The following SF3B4 variants were observed in gnomAD, a reference collection of about 807,000 sequenced individuals.
The protein encoded by SF3B4 is splicing factor 3b subunit 4.
A neutral mutation model predicts 34.3 loss-of-function variants in SF3B4; 3 were observed. The observed-to-expected ratio is 0.09, with a 90% confidence interval of 0.04 to 0.23. SF3B4 has a LOEUF of 0.23. SF3B4 is among the 10% of genes least tolerant of loss of function. The pLI, the probability that SF3B4 is intolerant of heterozygous loss-of-function variation, is 1.00. For synonymous variants in SF3B4, 216 were observed against 207.8 expected (o/e 1.04, Z -0.34); for missense variants, 283 against 567.2 (o/e 0.50, Z 5.09).
At position 149,926,074 on chromosome 1, in the gene SF3B4, T is replaced by C. The variant is rs72692812; in HGVS notation, c.707-32A>G. The C allele has an allele frequency of 3.6e-6, 4 of 1,114,936 alleles. No homozygotes were observed. The highest frequency in any genetic ancestry group is 1.6e-5 in the South Asian group (1 of 62,342). The allele number at this position is 1,114,936 out of a possible 1,614,324, so 69.1% of individuals were successfully genotyped here. A position where few individuals can be genotyped will look rare whatever the true frequency, so the allele number is the denominator to read the frequency against. On this transcript the variant is annotated intron_variant, in intron 3 of 5. Transcript: ENST00000271628. This position sits in a 1 kb window ranked among gnomAD's most constrained non-coding sequence, Gnocchi z 6.2. ...AGGAAATGGAAAAAGGAAGAGTTAA[T>C]GGTAGTGAGGAGAAAATGTCTTTAA...
Position 149,927,713 on chromosome 1 carries a change from C to T in SF3B4, c.34+13G>A, listed in dbSNP as rs1206537632. ...CACGCTGAGCCCATTCCAGACTTTC[C>T]CCCTCCAGTTACCCTGATTCCGCTC... On this transcript the variant is annotated intron_variant, in intron 1 of 5. Coordinates refer to ENST00000271628, the MANE Select transcript of SF3B4 (RefSeq NM_005850.5). The T allele has an allele frequency of 3.9e-6, 6 of 1,552,664 alleles. No homozygotes were observed. Among genetic ancestry groups the T allele is most frequent in the South Asian group, 1.2e-5 (1 of 84,156 alleles).
At position 149,923,576 on chromosome 1, in the gene SF3B4, G is replaced by T; in HGVS notation, c.1241C>A (p.Pro414His). 2 of 1,562,294 alleles carry T rather than the reference G, an allele frequency of 1.3e-6. No homozygotes were observed. The highest frequency in any genetic ancestry group is 1.7e-6 in the Non-Finnish European group (2 of 1,164,174). The change falls in exon 6 of 6, where the codon CCT becomes CAT. Residue 414 changes from proline to histidine, a missense_variant. Physicochemically the swap from Pro to His is moderately conservative, Grantham distance 77 (BLOSUM62 -2). Transcript: ENST00000271628. ...PRPTPRPPVPPRGPLRGPLPQ is the reference protein window; with the variant it reads ...PRPTPRPPVPHRGPLRGPLPQ Reference sequence around the variant, plus strand: ...GAGAGGGCCTCGAAGTGGGCCTCGAGGGGGAACTGGTGGCCGGGGAGTGGG... The same window carrying T: ...GAGAGGGCCTCGAAGTGGGCCTCGATGGGGAACTGGTGGCCGGGGAGTGGG...
intron 4 of SF3B4, among the ~76,000 whole-genome samples, chr1:149,925,045 A>T (rs1470704960): frequency 2.0e-5 from 3 of 152,236 alleles, no homozygotes; most frequent in African/African-American, 7.2e-5. Context: ...TTAAGTGTAA[A>T]ATAATGAGGC....
chr1:149,923,369 C>A lies in SF3B4; in HGVS notation c.*173G>T, dbSNP rs1380474216. On this transcript the variant is annotated 3_prime_UTR_variant, in exon 6 of 6. Transcript: ENST00000271628. ...CTGTGCATTTGCAAAATACTCAGGA[C>A]CAACATAAAAAAGAAATACCTCCTG... The A allele has an allele frequency of 5.4e-6, 3 of 550,930 alleles. No individual in the cohort carries two copies. The Admixed American group carries it at 1.2e-4, about 23-fold the overall frequency. The allele number at this position is 550,930 out of a possible 1,614,324, so 34.1% of individuals were successfully genotyped here. A position where few individuals can be genotyped will look rare whatever the true frequency, so the allele number is the denominator to read the frequency against.
In SF3B4 at chr1:149,926,306, C is replaced by A; in HGVS notation, c.706+70G>T. 1.4e-6 allele frequency: 2 copies of A among 1,392,896 alleles called. No homozygotes were observed. The highest frequency in any genetic ancestry group is 2.0e-6 in the Non-Finnish European group (2 of 1,016,194). 86.3% of individuals were successfully genotyped at this position (1,392,896 alleles called of 1,614,324 possible). On this transcript the variant is annotated intron_variant, in intron 3 of 5. Transcript: ENST00000271628. This position sits in a 1 kb window ranked among gnomAD's most constrained non-coding sequence, Gnocchi z 6.2. ...CAATGTCCCCTGTCCCCCTTTCAGACTTGTTTTCTTCTTCCTCCTGACCCT... is the reference window on the plus strand; with the variant it reads ...CAATGTCCCCTGTCCCCCTTTCAGAATTGTTTTCTTCTTCCTCCTGACCCT...
At chr1:149,927,439 C>T in intron 1 of SF3B4, 145 bp from the exon 2 acceptor site, 4 of 913,680 alleles carry the variant, frequency 4.4e-6, no homozygotes, top group Admixed American at 2.8e-5. Flanking sequence ...AACCCTTAAA[C>T]TTCTCTCTTC....
chr1:149,927,419 A>C, intron 1 of SF3B4, 125 bp from the exon 2 acceptor site: 1 of 1,163,900 alleles, frequency 8.6e-7, no homozygotes, highest in Non-Finnish European at 1.2e-6. Flanking sequence ...GGAGCAAAAA[A>C]AAAAGTTTAA....
In SF3B4 at chr1:149,923,608, T is replaced by G; in HGVS notation, c.1209A>C (p.Pro403=). 6.5e-7 allele frequency: 1 copy of G among 1,540,452 alleles called. No homozygotes were observed. The highest frequency in any genetic ancestry group is 1.3e-5 in the South Asian group (1 of 78,832). Reference sequence around the variant, plus strand: ...CTGGTGGCCGGGGAGTGGGTCTGGGTGGAGGGAGAGGCCCCCGCTGGTAGC... The same window carrying G: ...CTGGTGGCCGGGGAGTGGGTCTGGGGGGAGGGAGAGGCCCCCGCTGGTAGC... ...PYGYQRGPLP[P]PRPTPRPPVP... The change falls in exon 6 of 6, where the codon CCA becomes CCC. Residue 403 remains proline, a synonymous_variant. Transcript: ENST00000271628.
rs587612228 is a variant in SF3B4 at position 149,926,133 on chromosome 1, G to A, written c.707-91C>T. The A allele has an allele frequency of 1.9e-5, 14 of 722,780 alleles. No homozygotes were observed. Among genetic ancestry groups the A allele is most frequent in the South Asian group, 1.6e-4 (8 of 48,952 alleles). 44.8% of individuals were successfully genotyped at this position (722,780 alleles called of 1,614,324 possible). On this transcript the variant is annotated intron_variant, in intron 3 of 5. Transcript: ENST00000271628. The surrounding 1 kb of genome is among the most constrained non-coding windows in gnomAD (Gnocchi z 6.2). ...TCCTGATCTGGCCTCTCCAGGCAGG[G>A]TGAGCTCTTTCCCCCTCCTCCCAGT...
In SF3B4 at chr1:149,927,772, C is replaced by T. The variant is rs371400866; in HGVS notation, c.-13G>A. The T allele has an allele frequency of 1.2e-5, 19 of 1,552,174 alleles. No homozygotes were observed. In the African/African-American group the frequency reaches 2.5e-4, roughly 20 times the overall value. ...GCCCGGCAGCCATGGCGAAAGAGAT[C>T]CCGCCGTCTCCCAGCAGCGGTTCCG... On this transcript the variant is annotated 5_prime_UTR_variant, in exon 1 of 6. Transcript: ENST00000271628.
Position 149,926,101 on chromosome 1 carries a change from G to C in SF3B4, c.707-59C>G, listed in dbSNP as rs1162293136. 1.1e-6 allele frequency: 1 copy of C among 877,924 alleles called. No individual in the cohort carries two copies. The highest frequency in any genetic ancestry group is 2.6e-5 in the East Asian group (1 of 38,164). The allele number at this position is 877,924 out of a possible 1,614,324, so 54.4% of individuals were successfully genotyped here. On this transcript the variant is annotated intron_variant, in intron 3 of 5. Coordinates refer to ENST00000271628, the MANE Select transcript of SF3B4 (RefSeq NM_005850.5). This position sits in a 1 kb window ranked among gnomAD's most constrained non-coding sequence, Gnocchi z 6.2. Reference sequence around the variant, plus strand: ...GTAGTGAGGAGAAAATGTCTTTAAAGAGCCTGTCCTGATCTGGCCTCTCCA... The same window carrying C: ...GTAGTGAGGAGAAAATGTCTTTAAACAGCCTGTCCTGATCTGGCCTCTCCA...
Position 149,926,326 on chromosome 1 carries a change from G to T in SF3B4, c.706+50C>A, listed in dbSNP as rs2092590073. 1 of 1,507,896 alleles carries T rather than the reference G, an allele frequency of 6.6e-7. No homozygotes were observed. Among genetic ancestry groups the T allele is most frequent in the Non-Finnish European group, 9.0e-7 (1 of 1,110,402 alleles). The allele number at this position is 1,507,896 out of a possible 1,614,324, so 93.4% of individuals were successfully genotyped here. A position where few individuals can be genotyped will look rare whatever the true frequency, so the allele number is the denominator to read the frequency against. ...TCAGACTTGTTTTCTTCTTCCTCCTGACCCTCTCCCCCAACCTTAAGACAA... is the reference window on the plus strand; with the variant it reads ...TCAGACTTGTTTTCTTCTTCCTCCTTACCCTCTCCCCCAACCTTAAGACAA... On this transcript the variant is annotated intron_variant, in intron 3 of 5. Transcript: ENST00000271628. The surrounding 1 kb of genome is among the most constrained non-coding windows in gnomAD (Gnocchi z 6.2).
rs782742427 is a variant in SF3B4 at position 149,926,746 on chromosome 1, A to G, written c.336T>C (p.Asp112=). Residue 112 remains aspartate (D), a synonymous_variant, in exon 3 of 6, where the codon GAT becomes GAC. Transcript: ENST00000271628. The surrounding 1 kb of genome is among the most constrained non-coding windows in gnomAD (Gnocchi z 6.2). ...TGAAAGTATCATAAAGCAACTTCTC[A>G]TCAATCTCAGGGTCCAGGTTCCCAA... ...IFIGNLDPEI[D]EKLLYDTFSA... 14 of 1,613,816 alleles carry G rather than the reference A, an allele frequency of 8.7e-6. No homozygotes were observed. In the African/African-American group the frequency reaches 1.1e-4, roughly 12 times the overall value.
rs587724788 is a variant in SF3B4 at position 149,923,551 on chromosome 1, G to A, written c.1266C>T (p.Leu422=). Residue 422 remains leucine, a synonymous_variant, in exon 6 of 6, where the codon CTC becomes CTT. Transcript: ENST00000271628. ...VPPRGPLRGP[L]PQ ...GAAGGAAAATGTGAATTTACTGAGG[G>A]AGAGGGCCTCGAAGTGGGCCTCGAG... The A allele has an allele frequency of 1.9e-5, 30 of 1,574,430 alleles. No homozygotes were observed. In the East Asian group the frequency reaches 3.1e-4, roughly 16 times the overall value.
In SF3B4 at chr1:149,925,892, G is replaced by T; in HGVS notation, c.857C>A (p.Pro286His). Residue 286 changes from proline (P) to histidine (H), a missense_variant, in exon 4 of 6, where the codon CCT becomes CAT. This residue lies in a region of SF3B4 where 208 missense variants were observed against 292.6 expected (regional missense o/e 0.71). Transcript: ENST00000271628. ...PSAGTPGAGH[P>H]GHGHSHPHPF... ...GTGAGGATGTGAGTGTCCATGACCA[G>T]GATGTCCTGCCCCTGGGGTTCCTGC... 6.2e-7 allele frequency: 1 copy of T among 1,606,758 alleles called. No individual in the cohort carries two copies. Among genetic ancestry groups the T allele is most frequent in the Non-Finnish European group, 8.5e-7 (1 of 1,175,326 alleles).
chr1:149,926,947 A>G lies in SF3B4; in HGVS notation c.164-29T>C. On this transcript the variant is annotated intron_variant, in intron 2 of 5. Coordinates refer to ENST00000271628, the MANE Select transcript of SF3B4 (RefSeq NM_005850.5). This position sits in a 1 kb window ranked among gnomAD's most constrained non-coding sequence, Gnocchi z 6.2. ...GAAAAGTGGAGAAGAGGAGGTTAAC[A>G]ACGTAAGTAAAGAGACTGAAAATGG... 1 of 1,568,782 alleles carries G rather than the reference A, an allele frequency of 6.4e-7. No homozygotes were observed. Among genetic ancestry groups the G allele is most frequent in the Non-Finnish European group, 8.6e-7 (1 of 1,159,328 alleles).
intron 4 of SF3B4, 137 bp downstream of exon 4, chr1:149,925,699 T>C (rs782085879): frequency 2.7e-6 from 2 of 750,426 alleles, no homozygotes; most frequent in South Asian, 2.9e-5. Context: ...GCATTTTGTA[T>C]GTTTTTATAA....
chr1:149,927,362 T>C (rs2092596575), intron 1 of SF3B4, 68 bp from the exon 2 acceptor site: 1 of 1,586,100 alleles, frequency 6.3e-7, no homozygotes, highest in East Asian at 2.2e-5. Context: ...GATGGAAACA[T>C]GAAGATGGAA....
chr1:149,927,357 A>G, intron 1 of SF3B4, 63 bp from the exon 2 acceptor site: 2 of 1,593,320 alleles, frequency 1.3e-6, no homozygotes, highest in Non-Finnish European at 1.7e-6. Flanking sequence ...GAAGTGATGG[A>G]AACATGAAGA....
Sources: allele counts gnomAD v4.1 joint callset (sites outside exome capture counted in the v4.1 genomes callset), GRCh38; gene constraint gnomAD v4.1.1; regional missense constraint gnomAD v4.1.1; non-coding constraint Gnocchi (gnomAD v3.1); transcripts MANE v1.5; gene names NCBI Gene and HGNC (gene_info 2026-07-23, HGNC 2026-07-21).